HS2ST1: variants seen among roughly 807,000 people sequenced by gnomAD.
HS2ST1 encodes the protein 2-O-sulfotransferase.
A neutral mutation model predicts 42.9 loss-of-function variants in HS2ST1; 18 were observed. The observed-to-expected ratio is 0.42, with a 90% CI of 0.29 to 0.62. The LOEUF (loss-of-function observed/expected upper bound fraction) is 0.62. Among genes scored for constraint, HS2ST1 ranks in the 20% least tolerant of loss-of-function variants. The probability of loss-of-function intolerance (pLI) is 0.21; values close to 1 mark genes in which losing one functional copy is unlikely to be tolerated. For missense variants in HS2ST1, 334 were observed against 433.8 expected, an observed-to-expected ratio of 0.77 and a Z score of 2.04; for synonymous variants, 146 against 152.9, an observed-to-expected ratio of 0.95 and a Z score of 0.33.
At chr1:87,021,625 C>T (rs1414779698) in intron 1 of HS2ST1, among the ~76,000 whole-genome samples, 1 of 152,142 alleles carries the variant, frequency 6.6e-6, no homozygotes, top group Non-Finnish European at 1.5e-5. Context: ...AGGGATCCTC[C>T]CACCTCAGTC....
At chr1:86,999,241 C>G (rs546949366) in intron 1 of HS2ST1, among the ~76,000 whole-genome samples, 2 of 151,876 alleles carry the variant, frequency 1.3e-5, no homozygotes, top group African/African-American at 4.8e-5. Context: ...TGCAATGGTG[C>G]GATCTCGGCT....
At chr1:87,000,121 T>C (rs1180787173) in intron 1 of HS2ST1, among the ~76,000 whole-genome samples, 3 of 137,760 alleles carry the variant, frequency 2.2e-5, no homozygotes, top group African/African-American at 5.2e-5. Context: ...AAAAAAAAAC[T>C]AAATGAAAAT....
chr1:87,090,423 A>C (rs1651911859), intron 3 of HS2ST1, among the ~76,000 whole-genome samples: 2 of 151,996 alleles, frequency 1.3e-5, no homozygotes, highest in South Asian at 4.1e-4. Context: ...TACTATGCCT[A>C]CCCTCAGGTG....
intron 1 of HS2ST1, among the ~76,000 whole-genome samples, chr1:87,042,562 TA>T (rs1650548205): frequency 2.6e-5 from 4 of 152,160 alleles, no homozygotes; most frequent in Admixed American, 2.0e-4. Flanking sequence ...CTCCTCTTGA[TA>T]TTTTTTGGAT....
chr1:86,922,072 C>G (rs1660311062), intron 1 of HS2ST1, among the ~76,000 whole-genome samples: 1 of 151,588 alleles, frequency 6.6e-6, no homozygotes, highest in South Asian at 2.1e-4. Flanking sequence ...CTTAACTGTT[C>G]TGTGATTCCT....
intron 1 of HS2ST1, among the ~76,000 whole-genome samples, chr1:87,001,902 C>T (rs116298789): frequency 0.024 from 3,650 of 151,858 alleles, 48 homozygotes; most frequent in South Asian, 0.055. Flanking sequence ...TGTGAGCCAC[C>T]CCCATGCCAG....
chr1:87,086,455 T>C (rs1651817754), intron 3 of HS2ST1, among the ~76,000 whole-genome samples: 1 of 152,198 alleles, frequency 6.6e-6, no homozygotes, highest in South Asian at 2.1e-4. Flanking sequence ...CATAGTACTT[T>C]GTGGAGTCCA....
At chr1:87,024,449 C>T (rs115342611) in intron 1 of HS2ST1, among the ~76,000 whole-genome samples, 1,873 of 149,990 alleles carry the variant, frequency 0.012, 40 homozygotes, top group African/African-American at 0.044. Flanking sequence ...TTCCGTGAGC[C>T]GAGATTGTGC....
intron 2 of HS2ST1, among the ~76,000 whole-genome samples, chr1:87,076,701 T>C (rs543917919): frequency 6.6e-6 from 1 of 152,340 alleles, no homozygotes; most frequent in East Asian, 1.9e-4. Flanking sequence ...ACTCTTCTAG[T>C]TGAAAAATGG....
At chr1:87,009,804 G>A (rs539858231) in intron 1 of HS2ST1, among the ~76,000 whole-genome samples, 1 of 152,040 alleles carries the variant, frequency 6.6e-6, no homozygotes, top group Non-Finnish European at 1.5e-5. Flanking sequence ...GGAGGCCGAG[G>A]CGGGTGGATC....
chr1:86,984,821 G>A lies in HS2ST1; in HGVS notation c.124+69661G>A, dbSNP rs376297582. On this transcript the variant is annotated intron_variant, in intron 1 of 6. Coordinates refer to ENST00000370550, the MANE Select transcript of HS2ST1 (RefSeq NM_012262.4). ...TCCCAGGTACTAGGGAGGCTGAGGC[G>A]GGAGAACCTGGGAGGCAGAGGTTGC... 2.1e-3 allele frequency among the ~76,000 whole-genome samples: 309 copies of A among 150,542 alleles called. 1 individual carries two copies. Among genetic ancestry groups the A allele is most frequent in the African/African-American group, 7.2e-3 (296 of 40,942 alleles).
intron 1 of HS2ST1, among the ~76,000 whole-genome samples, chr1:87,019,548 T>C (rs1013586827): frequency 3.9e-5 from 6 of 152,222 alleles, no homozygotes; most frequent in Admixed American, 3.9e-4. Flanking sequence ...TATATTCTTA[T>C]GTCACATTAG....
chr1:87,093,736 A>G (rs372534933), intron 4 of HS2ST1, among the ~76,000 whole-genome samples: 1 of 152,104 alleles, frequency 6.6e-6, no homozygotes, highest in Non-Finnish European at 1.5e-5. Flanking sequence ...TTTTAAACCT[A>G]AACTATTACA....
intron 1 of HS2ST1, among the ~76,000 whole-genome samples, chr1:87,002,365 T>C (rs758752070): frequency 3.3e-5 from 5 of 152,074 alleles, no homozygotes; most frequent in Admixed American, 1.3e-4. Flanking sequence ...GGCCAAGGCT[T>C]GCAGATTGCT....
chr1:86,927,214 A>G, intron 1 of HS2ST1, among the ~76,000 whole-genome samples: 1 of 152,204 alleles, frequency 6.6e-6, no homozygotes, highest in East Asian at 1.9e-4. Context: ...TAGTGCTAAT[A>G]GTAGTTATAT....
At chr1:87,098,856 A>G (rs894909522) in intron 5 of HS2ST1, among the ~76,000 whole-genome samples, 3 of 152,172 alleles carry the variant, frequency 2.0e-5, no homozygotes, top group African/African-American at 7.2e-5. Flanking sequence ...ATCTTGGCTC[A>G]CTGCAACCTC....
intron 4 of HS2ST1, among the ~76,000 whole-genome samples, chr1:87,097,464 G>T (rs1652095202): frequency 6.6e-6 from 1 of 152,084 alleles, no homozygotes; most frequent in African/African-American, 2.4e-5. Context: ...CTCCATCTCG[G>T]CTCACTGCAG....
intron 2 of HS2ST1, among the ~76,000 whole-genome samples, chr1:87,077,342 A>G (rs1289037135): frequency 6.6e-6 from 1 of 152,132 alleles, no homozygotes; most frequent in Non-Finnish European, 1.5e-5. Context: ...CACTAGCCAC[A>G]CTGGCCTTGT....
At chr1:87,084,139 C>A in intron 2 of HS2ST1, 55 bp from the exon 3 acceptor site, 1 of 1,108,280 alleles carries the variant, frequency 9.0e-7, no homozygotes, top group Non-Finnish European at 1.3e-6. Flanking sequence ...ATTTTGCTAT[C>A]ATCAAATTTC....
Sources: allele counts gnomAD v4.1 joint callset (sites outside exome capture counted in the v4.1 genomes callset), GRCh38; gene constraint gnomAD v4.1.1; transcripts MANE v1.5; gene names NCBI Gene and HGNC (gene_info 2026-07-23, HGNC 2026-07-21).